The following CACHD1 variants were observed in gnomAD, a reference collection of about 807,000 sequenced individuals.
CACHD1 encodes the protein VWFA and cache domain-containing protein 1.
A neutral mutation model predicts 138.7 loss-of-function variants in CACHD1; 71 were observed. The observed-to-expected ratio is 0.51, with a 90% CI of 0.42 to 0.62. The LOEUF (loss-of-function observed/expected upper bound fraction) is 0.62. Ranked by LOEUF, CACHD1 falls within the 20% of genes least tolerant of loss-of-function variation. The pLI is 0.00. For synonymous variants in CACHD1, 578 were observed against 591.5 expected (o/e 0.98, Z 0.33); for missense variants, 1,389 against 1,625.3 (o/e 0.85, Z 2.50).
In CACHD1 at chr1:64,658,802, T is replaced by A; in HGVS notation, c.1880T>A (p.Leu627Gln). Reference sequence around the variant, plus strand: ...CTCAACACTGTTCCCAGCAGCAAGCTGCTGTACCACCGGCTGGATCTCCTT... The same window carrying A: ...CTCAACACTGTTCCCAGCAGCAAGCAGCTGTACCACCGGCTGGATCTCCTT... The part of the protein sequence containing the change: ...KNLNTVPSSK[L>Q]LYHRLDLLGQ... The change falls in exon 13 of 27, where the codon CTG becomes CAG. Residue 627 changes from leucine (L) to glutamine (Q), a missense_variant. Physicochemically the swap from Leu to Gln is moderately radical, Grantham distance 113. Transcript: ENST00000651257. 1 of 1,602,644 alleles carries A rather than the reference T, an allele frequency of 6.2e-7. No homozygotes were observed. Among genetic ancestry groups the A allele is most frequent in the Non-Finnish European group, 8.5e-7 (1 of 1,173,100 alleles).
At chr1:64,571,810 T>C (rs1175971688) in intron 2 of CACHD1, among the ~76,000 whole-genome samples, 2 of 152,236 alleles carry the variant, frequency 1.3e-5, no homozygotes, top group East Asian at 3.8e-4. Flanking sequence ...TGCCAGGCTC[T>C]GGCCCAGGTC....
rs140957149 is a variant in CACHD1 at position 64,580,427 on chromosome 1, T to G, written c.262-1729T>G. ...TTTATCCATGTAACAAATGTGCTCA[T>G]GTACCCCCGAACCTAAAATAAAAAT... On this transcript the variant is annotated intron_variant, in intron 2 of 26. Coordinates refer to ENST00000651257, the MANE Select transcript of CACHD1 (RefSeq NM_020925.4). Among the ~76,000 whole-genome samples the G allele has an allele frequency of 9.7e-3, 1,477 of 152,248 alleles. 24 individuals carry two copies. Among genetic ancestry groups the G allele is most frequent in the African/African-American group, 0.034 (1,400 of 41,536 alleles).
At position 64,470,653 on chromosome 1, in the gene CACHD1, T is replaced by G. The variant is rs963182397; in HGVS notation, c.-92T>G. ...GAGCCTGCAACAGAGGAAGAAACTTTTGCGGGGTGCGCCGCGCTTTTGCGG... is the reference window on the plus strand; with the variant it reads ...GAGCCTGCAACAGAGGAAGAAACTTGTGCGGGGTGCGCCGCGCTTTTGCGG... On this transcript the variant is annotated 5_prime_UTR_variant, in exon 1 of 27. Transcript: ENST00000651257. The surrounding 1 kb of genome is among the most constrained non-coding windows in gnomAD (Gnocchi z 5.2). 2 of 450,358 alleles carry G rather than the reference T, an allele frequency of 4.4e-6. No homozygotes were observed. Among genetic ancestry groups the G allele is most frequent in the Non-Finnish European group, 7.8e-6 (2 of 257,760 alleles). The allele number at this position is 450,358 out of a possible 1,614,324, so 27.9% of individuals were successfully genotyped here.
intron 1 of CACHD1, among the ~76,000 whole-genome samples, chr1:64,522,384 T>G (rs947207042): frequency 1.3e-5 from 2 of 152,062 alleles, no homozygotes; most frequent in African/African-American, 4.8e-5. Flanking sequence ...CTCGGCTCAC[T>G]GCAACCTCTG....
intron 1 of CACHD1, among the ~76,000 whole-genome samples, chr1:64,482,107 G>A (rs1646214602): frequency 6.6e-6 from 1 of 152,130 alleles, no homozygotes; most frequent in South Asian, 2.1e-4. Context: ...ATTACTGGTA[G>A]CATATGTCTG....
intron 1 of CACHD1, among the ~76,000 whole-genome samples, chr1:64,472,271 CCT>C (rs1373796749): frequency 6.6e-6 from 1 of 152,082 alleles, no homozygotes; most frequent in Non-Finnish European, 1.5e-5. Flanking sequence ...TTCTTCTCCT[CCT>C]CTTTCTTTTC....
intron 2 of CACHD1, among the ~76,000 whole-genome samples, chr1:64,562,924 A>G (rs936237246): frequency 6.6e-6 from 1 of 152,028 alleles, no homozygotes; most frequent in Non-Finnish European, 1.5e-5. Flanking sequence ...TTTTCTTCAT[A>G]TATCAAAAAG....
At chr1:64,676,038 A>G (rs931414924) in intron 21 of CACHD1, 55 bp downstream of exon 21, 7 of 475,742 alleles carry the variant, frequency 1.5e-5, no homozygotes, top group Non-Finnish European at 1.8e-5. Context: ...AATAATAATA[A>G]TACATATGTA....
intron 1 of CACHD1, among the ~76,000 whole-genome samples, chr1:64,533,748 CTT>C (rs1553130304): frequency 7.0e-5 from 9 of 129,434 alleles, no homozygotes; most frequent in African/African-American, 2.1e-4. Flanking sequence ...TCTTCTCTCT[CTT>C]TTTTTTTTTT....
At chr1:64,617,388 G>A (rs1043771258) in intron 4 of CACHD1, among the ~76,000 whole-genome samples, 1 of 151,796 alleles carries the variant, frequency 6.6e-6, no homozygotes, top group African/African-American at 2.4e-5. Flanking sequence ...GAGTGGTGGA[G>A]CCCAGAAGTT....
intron 1 of CACHD1, 138 bp downstream of exon 1, chr1:64,471,080 C>A: frequency 2.6e-6 from 2 of 774,156 alleles, no homozygotes; most frequent in Non-Finnish European, 4.0e-6. Flanking sequence ...TCGGACCCCT[C>A]TGTCCTCTGC....
At chr1:64,617,710 T>C (rs1372981716) in intron 4 of CACHD1, among the ~76,000 whole-genome samples, 1 of 152,166 alleles carries the variant, frequency 6.6e-6, no homozygotes, top group Non-Finnish European at 1.5e-5. Flanking sequence ...CTGAGCAACA[T>C]GGCCTATGTC....
chr1:64,602,923 C>G lies in CACHD1; in HGVS notation c.517+11C>G. The G allele has an allele frequency of 6.5e-7, 1 of 1,540,284 alleles. No individual in the cohort carries two copies. Among genetic ancestry groups the G allele is most frequent in the Non-Finnish European group, 9.0e-7 (1 of 1,113,078 alleles). ...GAGACTTAAATTCAGGTCAGTAATC[C>G]ATTGGCTTTATAAAGATGAACTGTA... On this transcript the variant is annotated intron_variant, in intron 4 of 26. Transcript: ENST00000651257.
intron 4 of CACHD1, among the ~76,000 whole-genome samples, chr1:64,619,817 T>C (rs192485287): frequency 4.7e-4 from 71 of 152,288 alleles, no homozygotes; most frequent in Admixed American, 1.7e-3. Flanking sequence ...GCAAGATGAC[T>C]TACTAGATCC....
chr1:64,675,913 T>C lies in CACHD1; in HGVS notation c.2905T>C (p.Cys969Arg). Residue 969 changes from cysteine to arginine, a missense_variant, in exon 21 of 27, where the codon TGT (cysteine) becomes CGT (arginine). Cys to Arg is a radical substitution (Grantham distance 180). Around this residue, in one of 5 missense-constraint regions of CACHD1, gnomAD observed 50 missense variants for 108.2 expected, o/e 0.46. Transcript: ENST00000651257. Reference protein sequence around the residue: ...LNCHRMEQNECECPCECPLEV... With the variant: ...LNCHRMEQNERECPCECPLEV... ...GCTTTTCAGAATGGAACAAAATGAATGTGAATGTCCTTGTGAGTGCCCTCT... is the reference window on the plus strand; with the variant it reads ...GCTTTTCAGAATGGAACAAAATGAACGTGAATGTCCTTGTGAGTGCCCTCT... 1 of 1,542,668 alleles carries C rather than the reference T, an allele frequency of 6.5e-7. No individual in the cohort carries two copies. Among genetic ancestry groups the C allele is most frequent in the Non-Finnish European group, 8.7e-7 (1 of 1,143,402 alleles).
At chr1:64,653,406 A>AAAG (rs910041439) in intron 10 of CACHD1, among the ~76,000 whole-genome samples, 1 of 144,868 alleles carries the variant, frequency 6.9e-6, no homozygotes, top group Non-Finnish European at 1.5e-5. Flanking sequence ...AAAAAAAAAA[A>AAAG]AAGAAGAATG....
intron 4 of CACHD1, among the ~76,000 whole-genome samples, chr1:64,616,931 A>G (rs1463125584): frequency 6.6e-6 from 1 of 152,192 alleles, no homozygotes; most frequent in Non-Finnish European, 1.5e-5. Context: ...TAGCTGAGAC[A>G]AGGGGAAAGA....
intron 1 of CACHD1, among the ~76,000 whole-genome samples, chr1:64,514,848 T>G (rs1646447491): frequency 6.6e-6 from 1 of 152,222 alleles, no homozygotes; most frequent in South Asian, 2.1e-4. Context: ...TTGGCCTGAT[T>G]TGTTCTTACA....
intron 6 of CACHD1, 25 bp from the exon 7 acceptor site, chr1:64,634,019 T>G (rs760657377): frequency 3.0e-5 from 21 of 697,292 alleles, no homozygotes; most frequent in Middle Eastern, 3.8e-4. Context: ...AGTTTGGTGG[T>G]TTTTTTTTTT....
Sources: gnomAD v4.1 joint callset for allele counts (sites outside exome capture counted in the v4.1 genomes callset) on GRCh38, gnomAD v4.1.1 for gene constraint, gnomAD v4.1.1 regional missense constraint, Gnocchi (gnomAD v3.1) non-coding constraint, MANE v1.5 for transcripts, NCBI Gene and HGNC (gene_info 2026-07-23, HGNC 2026-07-21) for gene names.